FSTL5: variants seen among roughly 807,000 people sequenced by gnomAD.
FSTL5 encodes follistatin-related protein 5.
A neutral mutation model predicts 89.1 loss-of-function variants in FSTL5; 62 were observed. The observed-to-expected ratio is 0.70, with a 90% CI of 0.57 to 0.86. FSTL5 has a LOEUF of 0.86. FSTL5 is among the 40% of genes least tolerant of loss of function. The pLI, the probability that FSTL5 is intolerant of heterozygous loss-of-function variation, is 0.00. For missense variants in FSTL5, 1,057 were observed against 1,001.6 expected (o/e 1.06, Z -0.75); for synonymous variants, 383 against 346.2 (o/e 1.11, Z -1.18).
chr4:162,051,359 C>T (rs1738373597), intron 2 of FSTL5, among the ~76,000 whole-genome samples: 1 of 150,752 alleles, frequency 6.6e-6, no homozygotes, highest in African/African-American at 2.4e-5. Flanking sequence ...ATGAATAGAT[C>T]AACAAATTGT....
intron 6 of FSTL5, among the ~76,000 whole-genome samples, chr4:161,735,580 T>C (rs80262970): frequency 0.01 from 1,583 of 152,328 alleles, 32 homozygotes; most frequent in South Asian, 0.07. Flanking sequence ...TAAGATCTAA[T>C]TGGATCACTT....
intron 13 of FSTL5, among the ~76,000 whole-genome samples, chr4:161,476,177 T>TTTTTTTTTTG (rs1734133601): frequency 2.0e-5 from 2 of 100,400 alleles, no homozygotes; most frequent in African/African-American, 7.6e-5. Flanking sequence ...TTGCTGGTTT[T>TTTTTTTTTTG]TTTTTTTTTT....
intron 15 of FSTL5, among the ~76,000 whole-genome samples, chr4:161,406,814 C>A (rs757992285): frequency 1.1e-4 from 16 of 152,112 alleles, no homozygotes; most frequent in Non-Finnish European, 2.2e-4. Context: ...CTATTTATGT[C>A]TTTACATCTA....
chr4:161,564,480 T>G (rs1732730082), intron 8 of FSTL5, among the ~76,000 whole-genome samples: 1 of 150,492 alleles, frequency 6.6e-6, no homozygotes, highest in Non-Finnish European at 1.5e-5. Context: ...TGAAATATAT[T>G]AATTGATAAC....
intron 10 of FSTL5, among the ~76,000 whole-genome samples, chr4:161,511,884 T>C (rs1407951443): frequency 1.3e-5 from 2 of 152,042 alleles, no homozygotes; most frequent in Non-Finnish European, 2.9e-5. Context: ...GAGATGGTGC[T>C]GAACAAGAAA....
chr4:161,729,098 T>C (rs1244822585), intron 6 of FSTL5, among the ~76,000 whole-genome samples: 1 of 152,184 alleles, frequency 6.6e-6, no homozygotes, highest in African/African-American at 2.4e-5. Context: ...CTCTTGGCTC[T>C]CAACTCAAAG....
Position 161,678,729 on chromosome 4 carries a change from C to A in FSTL5, c.728-22235G>T, listed in dbSNP as rs529518353. Among the ~76,000 whole-genome samples, 82 of 151,792 alleles carry A rather than the reference C, an allele frequency of 5.4e-4. 1 individual carries two copies. The highest frequency in any genetic ancestry group is 8.9e-5 in the Non-Finnish European group (6 of 67,698). On this transcript the variant is annotated intron_variant, in intron 6 of 15. Transcript: ENST00000306100. Reference sequence around the variant, plus strand: ...ATTTAGATAAATGTAAGGCAATACACAGAAGGAATGCCAAAAGAAAGAAAG... The same window carrying A: ...ATTTAGATAAATGTAAGGCAATACAAAGAAGGAATGCCAAAAGAAAGAAAG...
intron 7 of FSTL5, among the ~76,000 whole-genome samples, chr4:161,592,522 T>C (rs577324133): frequency 6.6e-6 from 1 of 151,398 alleles, no homozygotes; most frequent in African/African-American, 2.4e-5. Context: ...GAACATGTAG[T>C]GTTTGGTTTT....
chr4:162,051,690 G>A (rs1738383148), intron 2 of FSTL5, among the ~76,000 whole-genome samples: 1 of 151,494 alleles, frequency 6.6e-6, no homozygotes, highest in Admixed American at 6.6e-5. Flanking sequence ...GCTGCTGAGA[G>A]TAGCACACTA....
In FSTL5 at chr4:161,799,918, T is replaced by C. The variant is rs547484262; in HGVS notation, c.410-23844A>G. Among the ~76,000 whole-genome samples the C allele has an allele frequency of 1.3e-4, 20 of 151,830 alleles. No homozygotes were observed. In the South Asian group the frequency reaches 3.7e-3, roughly 28 times the overall value. On this transcript the variant is annotated intron_variant, in intron 4 of 15. Coordinates refer to ENST00000306100, the MANE Select transcript of FSTL5 (RefSeq NM_020116.5). ...AAGAAATATTGATTCATAGCCATAA[T>C]AGCAATTCAAATATTGACATAACAT...
At chr4:161,615,468 GA>G (rs1489850890) in intron 7 of FSTL5, among the ~76,000 whole-genome samples, 10 of 139,328 alleles carry the variant, frequency 7.2e-5, no homozygotes, top group African/African-American at 2.4e-4. Flanking sequence ...AAAAAAGAAA[GA>G]AAAAGAAATA....
chr4:161,710,199 C>A (rs1738731175), intron 6 of FSTL5, among the ~76,000 whole-genome samples: 1 of 152,126 alleles, frequency 6.6e-6, no homozygotes, highest in African/African-American at 2.4e-5. Flanking sequence ...AACTCCTGGT[C>A]TTAAGCCATC....
chr4:161,995,365 T>G (rs1462249230), intron 3 of FSTL5, among the ~76,000 whole-genome samples: 1 of 152,156 alleles, frequency 6.6e-6, no homozygotes, highest in Non-Finnish European at 1.5e-5. Flanking sequence ...GAACTTTGCA[T>G]AGTGAAGATG....
At chr4:161,420,507 G>A (rs1441101805) in intron 15 of FSTL5, among the ~76,000 whole-genome samples, 3 of 151,738 alleles carry the variant, frequency 2.0e-5, no homozygotes, top group African/African-American at 7.3e-5. Flanking sequence ...AAGATATATT[G>A]ACTTTATTAT....
intron 2 of FSTL5, among the ~76,000 whole-genome samples, chr4:162,098,595 C>A (rs1477784829): frequency 6.6e-5 from 10 of 151,870 alleles, no homozygotes; most frequent in Admixed American, 6.6e-4. Flanking sequence ...ACAGGCAAAA[C>A]CCCCAGAATA....
chr4:161,507,679 G>A (rs1730526682), intron 11 of FSTL5, among the ~76,000 whole-genome samples: 1 of 151,848 alleles, frequency 6.6e-6, no homozygotes, highest in South Asian at 2.1e-4. Context: ...CAGAGAAGTA[G>A]AGGACATTGC....
chr4:161,739,422 G>A (rs1277665998), intron 6 of FSTL5, among the ~76,000 whole-genome samples: 1 of 151,978 alleles, frequency 6.6e-6, no homozygotes, highest in African/African-American at 2.4e-5. Context: ...ACAAATTTCT[G>A]TTGTTCAAGC....
At chr4:161,780,583 G>C (rs1226423924) in intron 4 of FSTL5, among the ~76,000 whole-genome samples, 2 of 152,144 alleles carry the variant, frequency 1.3e-5, no homozygotes, top group Non-Finnish European at 2.9e-5. Context: ...CGTCACTAGG[G>C]CTGTGCTGAC....
chr4:162,072,458 T>C (rs912646716), intron 2 of FSTL5, among the ~76,000 whole-genome samples: 2 of 151,724 alleles, frequency 1.3e-5, no homozygotes, highest in African/African-American at 2.4e-5. Context: ...GGAAAACATA[T>C]CAACAAATGA....
Sources: gnomAD v4.1 joint callset for allele counts (sites outside exome capture counted in the v4.1 genomes callset) on GRCh38, gnomAD v4.1.1 for gene constraint, MANE v1.5 for transcripts, NCBI Gene and HGNC (gene_info 2026-07-23, HGNC 2026-07-21) for gene names.